Variants in LRP1B observed in about 807,000 individuals in gnomAD.
The protein encoded by LRP1B is LDL receptor related protein 1B.
A neutral mutation model predicts 556.6 loss-of-function variants in LRP1B; 217 were observed. The ratio of observed to expected loss-of-function variants is 0.39; its 90% confidence interval spans 0.35 to 0.44. LRP1B has a LOEUF of 0.44. Among genes scored for constraint, LRP1B ranks in the 20% least tolerant of loss-of-function variants. The pLI is 1.00. For missense variants in LRP1B, 5,053 were observed against 5,620.8 expected (o/e 0.90, Z 3.23); for synonymous variants, 2,047 against 1,865.8 (o/e 1.10, Z -2.50).
chr2:140,752,430 T>C (rs1688613814), intron 35 of LRP1B, among the ~76,000 whole-genome samples: 1 of 151,856 alleles, frequency 6.6e-6, no homozygotes, highest in African/African-American at 2.4e-5. Flanking sequence ...ATTCAAGCTA[T>C]TCTCCTCTCT....
intron 2 of LRP1B, among the ~76,000 whole-genome samples, chr2:141,724,750 A>G (rs1488509230): frequency 1.3e-5 from 2 of 152,010 alleles, no homozygotes; most frequent in African/African-American, 4.8e-5. Context: ...AACGAGAAGG[A>G]AAGAATTCCA....
At chr2:140,566,057 T>C (rs1404843030) in intron 43 of LRP1B, among the ~76,000 whole-genome samples, 1 of 152,054 alleles carries the variant, frequency 6.6e-6, no homozygotes, top group Non-Finnish European at 1.5e-5. Context: ...TGCTATGCCA[T>C]TTTGGAACTG....
intron 1 of LRP1B, among the ~76,000 whole-genome samples, chr2:141,942,881 A>C (rs912712200): frequency 9.9e-5 from 15 of 152,270 alleles, no homozygotes; most frequent in African/African-American, 3.4e-4. Context: ...TTCATACATC[A>C]AGGCTTAGGT....
intron 1 of LRP1B, among the ~76,000 whole-genome samples, chr2:141,812,494 G>A (rs1315293458): frequency 6.6e-6 from 1 of 151,994 alleles, no homozygotes; most frequent in East Asian, 1.9e-4. Context: ...TATGTGGAGA[G>A]GGGAAATGTC....
intron 35 of LRP1B, among the ~76,000 whole-genome samples, chr2:140,754,701 G>C (rs911392934): frequency 4.0e-5 from 6 of 151,528 alleles, no homozygotes; most frequent in African/African-American, 1.5e-4. Context: ...ATTTATAGCT[G>C]CAAATGCCTA....
rs761325976 is a variant in LRP1B at position 140,700,584 on chromosome 2, C to A, written c.6465G>T (p.Lys2155Asn). ...NVCARDNGGCKQLCLYRGNSR... is the reference protein window; with the variant it reads ...NVCARDNGGCNQLCLYRGNSR... ...AATTTCCTCGATAAAGACAGAGTTG[C>A]TTACAGCCACCATTGTCCCTGGCAC... is the stretch of plus-strand genomic sequence containing the variant. Residue 2155 changes from lysine to asparagine, a missense_variant, in exon 41 of 91, where the codon AAG (lysine) becomes AAT (asparagine). This residue lies in a region of LRP1B where 3,619 missense variants were observed against 3,931.9 expected (regional missense o/e 0.92). Transcript: ENST00000389484. 2 of 1,613,504 alleles carry A rather than the reference C, an allele frequency of 1.2e-6. No individual in the cohort carries two copies. Among genetic ancestry groups the A allele is most frequent in the Non-Finnish European group, 1.7e-6 (2 of 1,179,622 alleles).
intron 83 of LRP1B, among the ~76,000 whole-genome samples, chr2:140,305,195 A>G (rs1269159130): frequency 6.6e-6 from 1 of 152,206 alleles, no homozygotes; most frequent in East Asian, 1.9e-4. Flanking sequence ...CTGTGAAGAA[A>G]GTCATTGTTA....
chr2:141,605,101 T>C (rs1372179839), intron 2 of LRP1B, among the ~76,000 whole-genome samples: 2 of 151,770 alleles, frequency 1.3e-5, no homozygotes. Flanking sequence ...AGAAAAATCC[T>C]GCGTCACTAT....
chr2:140,515,027 C>T (rs887945802), intron 50 of LRP1B, among the ~76,000 whole-genome samples: 5 of 151,890 alleles, frequency 3.3e-5, no homozygotes, highest in African/African-American at 1.2e-4. Flanking sequence ...AGTCCTAATG[C>T]GGTCACTCTA....
At chr2:141,758,484 T>G (rs531429023) in intron 2 of LRP1B, among the ~76,000 whole-genome samples, 3 of 152,246 alleles carry the variant, frequency 2.0e-5, no homozygotes, top group Admixed American at 2.0e-4. Context: ...ATGTACTGAA[T>G]AGCTAACATG....
chr2:140,687,585 T>TC (rs200589193), intron 41 of LRP1B, among the ~76,000 whole-genome samples: 3 of 151,846 alleles, frequency 2.0e-5, no homozygotes, highest in Admixed American at 6.6e-5. Flanking sequence ...ATTTTTTTTT[T>TC]AGTACAAGTT....
At chr2:141,826,954 A>G (rs1255253015) in intron 1 of LRP1B, among the ~76,000 whole-genome samples, 1 of 152,180 alleles carries the variant, frequency 6.6e-6, no homozygotes, top group Non-Finnish European at 1.5e-5. Flanking sequence ...AACCTGAAAC[A>G]TTTTCGTCTT....
chr2:140,625,423 T>C (rs1057009801), intron 41 of LRP1B, among the ~76,000 whole-genome samples: 5 of 152,104 alleles, frequency 3.3e-5, no homozygotes, highest in African/African-American at 1.2e-4. Context: ...CAAATGACAA[T>C]GTCAAGAGAA....
intron 41 of LRP1B, among the ~76,000 whole-genome samples, chr2:140,694,014 C>T (rs572958104): frequency 1.0e-3 from 157 of 152,152 alleles, no homozygotes; most frequent in African/African-American, 3.6e-3. Context: ...GGCCTAATCA[C>T]ATTTCTCGAT....
At chr2:141,024,505 C>T (rs1171602717) in intron 11 of LRP1B, among the ~76,000 whole-genome samples, 4 of 151,920 alleles carry the variant, frequency 2.6e-5, no homozygotes. Flanking sequence ...GATCATCACT[C>T]TATGACATTC....
At chr2:141,947,862 A>G (rs891499989) in intron 1 of LRP1B, among the ~76,000 whole-genome samples, 1 of 151,772 alleles carries the variant, frequency 6.6e-6, no homozygotes. Context: ...GCACAAAGAC[A>G]GTTGAAACTC....
intron 66 of LRP1B, among the ~76,000 whole-genome samples, chr2:140,393,308 C>A (rs1014225205): frequency 6.6e-6 from 1 of 151,754 alleles, no homozygotes; most frequent in Non-Finnish European, 1.5e-5. Flanking sequence ...CCAGTAGCTA[C>A]CTAAACAAAT....
chr2:141,790,497 C>T (rs1695578213), intron 2 of LRP1B, among the ~76,000 whole-genome samples: 1 of 151,734 alleles, frequency 6.6e-6, no homozygotes, highest in African/African-American at 2.4e-5. Context: ...TGTTCAGGTG[C>T]CCTCATTTCT....
intron 3 of LRP1B, among the ~76,000 whole-genome samples, chr2:141,359,905 G>A (rs1219649253): frequency 1.3e-5 from 2 of 152,118 alleles, no homozygotes; most frequent in African/African-American, 4.8e-5. Flanking sequence ...TATGCACAGA[G>A]AAGTAACTTA....
Sources: gnomAD v4.1 joint callset for allele counts (sites outside exome capture counted in the v4.1 genomes callset) on GRCh38, gnomAD v4.1.1 for gene constraint, gnomAD v4.1.1 regional missense constraint, MANE v1.5 for transcripts, NCBI Gene and HGNC (gene_info 2026-07-23, HGNC 2026-07-21) for gene names.